Variants in PLEKHG1 observed in about 807,000 individuals in gnomAD.
PLEKHG1 encodes the protein pleckstrin homology domain-containing family G member 1.
Under a neutral mutation model 100.8 loss-of-function variants are expected in PLEKHG1, and 44 were observed. That is an observed-to-expected ratio of 0.44 (90% CI 0.34 to 0.56). The LOEUF (loss-of-function observed/expected upper bound fraction) is 0.56. Ranked by LOEUF, PLEKHG1 falls within the 20% of genes least tolerant of loss-of-function variation. PLEKHG1 has a pLI of 0.01. For missense variants in PLEKHG1, 1,545 were observed against 1,720.9 expected (o/e 0.90, Z 1.81); for synonymous variants, 640 against 662.5 (o/e 0.97, Z 0.52).
In PLEKHG1 at chr6:150,600,253, G is replaced by T. The variant is rs1776281979; in HGVS notation, c.-204+236G>T. On this transcript the variant is annotated intron_variant, in intron 1 of 3. Coordinates refer to the PLEKHG1 transcript ENST00000367326. The surrounding 1 kb of genome is among the most constrained non-coding windows in gnomAD (Gnocchi z 6.2). ...CGCGCGGTGGGGACGGAGGGCGCTG[G>T]GGGGCGCCGCGTCTCGGGGGTCGGA... Among the ~76,000 whole-genome samples, 1 of 150,794 alleles carries T rather than the reference G, an allele frequency of 6.6e-6. No homozygotes were observed. Among genetic ancestry groups the T allele is most frequent in the South Asian group, 2.1e-4 (1 of 4,790 alleles).
exon 7 of PLEKHG1, chr6:150,804,658 CTTG>C: frequency 6.2e-7 from 1 of 1,612,910 alleles, no homozygotes; most frequent in Non-Finnish European, 8.5e-7. Context: ...TGATGTGGTG[CTTG>C]ATGCTATAGA....
chr6:150,643,639 T>G (rs987383840), intron 2 of PLEKHG1, among the ~76,000 whole-genome samples: 2 of 152,226 alleles, frequency 1.3e-5, no homozygotes, highest in Admixed American at 6.5e-5. Flanking sequence ...GATTAAAAAC[T>G]GCTTGATGTA....
chr6:150,767,802 G>T (rs1784521442), intron 2 of PLEKHG1, among the ~76,000 whole-genome samples: 2 of 152,184 alleles, frequency 1.3e-5, no homozygotes, highest in Non-Finnish European at 2.9e-5. Context: ...TCATTGTTCA[G>T]CCTAGGGCAA....
chr6:150,657,071 A>G (rs910552987), intron 3 of PLEKHG1, among the ~76,000 whole-genome samples: 17 of 152,282 alleles, frequency 1.1e-4, no homozygotes, highest in Middle Eastern at 3.4e-3. Flanking sequence ...AGTCATCTCA[A>G]ATTCTTAGGT....
intron 1 of PLEKHG1, among the ~76,000 whole-genome samples, chr6:150,636,169 G>A (rs535115215): frequency 3.9e-5 from 6 of 152,174 alleles, no homozygotes; most frequent in Non-Finnish European, 7.4e-5. Flanking sequence ...TACCTCTTCA[G>A]GGTCATTACA....
chr6:150,636,663 T>G (rs1474883522), intron 1 of PLEKHG1, among the ~76,000 whole-genome samples: 4 of 152,234 alleles, frequency 2.6e-5, no homozygotes, highest in Non-Finnish European at 4.4e-5. Flanking sequence ...TTATTTTTAG[T>G]TGGCTTCACA....
chr6:150,814,192 T>A (rs1787721982), intron 10 of PLEKHG1, among the ~76,000 whole-genome samples: 1 of 152,228 alleles, frequency 6.6e-6, no homozygotes, highest in African/African-American at 2.4e-5. Context: ...GTTGCTGGCC[T>A]GGTGCCTTAG....
At chr6:150,840,661 A>T in exon 16 of PLEKHG1, 1 of 1,614,198 alleles carries the variant, frequency 6.2e-7, no homozygotes, top group Non-Finnish European at 8.5e-7. Flanking sequence ...AAGTTTGTGG[A>T]TGCTGACTTT....
intron 3 of PLEKHG1, among the ~76,000 whole-genome samples, chr6:150,779,234 T>TC (rs770102308): frequency 6.6e-6 from 1 of 151,768 alleles, no homozygotes; most frequent in East Asian, 1.9e-4. Context: ...CCTGGCTGGG[T>TC]CCCCGAGACA....
chr6:150,821,508 AC>A (rs1776298386), intron 13 of PLEKHG1, among the ~76,000 whole-genome samples: 1 of 151,852 alleles, frequency 6.6e-6, no homozygotes, highest in Non-Finnish European at 1.5e-5. Flanking sequence ...ACATGGTGAA[AC>A]CCCGTCTCTA....
intron 15 of PLEKHG1, among the ~76,000 whole-genome samples, chr6:150,838,814 C>G (rs1281916051): frequency 6.6e-6 from 1 of 152,212 alleles, no homozygotes; most frequent in East Asian, 1.9e-4. Context: ...TTATTGAGTA[C>G]ATGCACAGAC....
intron 3 of PLEKHG1, among the ~76,000 whole-genome samples, chr6:150,654,598 A>G (rs1383097778): frequency 6.6e-6 from 1 of 152,220 alleles, no homozygotes; most frequent in Non-Finnish European, 1.5e-5. Flanking sequence ...GGATTGAAAT[A>G]TGACTGCTTT....
chr6:150,664,885 A>G (rs1001731692), intron 3 of PLEKHG1, among the ~76,000 whole-genome samples: 56 of 151,992 alleles, frequency 3.7e-4, no homozygotes, highest in African/African-American at 1.2e-3. Context: ...CTATCAGATT[A>G]CTCTGTTACT....
In PLEKHG1 at chr6:150,683,815, AT is replaced by A; in HGVS notation, c.-99+33030del. The A allele has an allele frequency of 7.8e-7, 1 of 1,288,702 alleles. No individual in the cohort carries two copies. The highest frequency in any genetic ancestry group is 1.0e-6 in the Non-Finnish European group (1 of 988,602). The allele number at this position is 1,288,702 out of a possible 1,614,324, so 79.8% of individuals were successfully genotyped here. ...AGGCAGGAAACTGCTGCCTGGACAAATCGTGTTCTGGGCCAAAGCATCACAG... is the reference window on the plus strand; with the variant it reads ...AGGCAGGAAACTGCTGCCTGGACAAACGTGTTCTGGGCCAAAGCATCACAG... On this transcript the variant is annotated intron_variant, in intron 3 of 3. Coordinates refer to the PLEKHG1 transcript ENST00000367326. The surrounding 1 kb of genome is among the most constrained non-coding windows in gnomAD (Gnocchi z 4.0).
chr6:150,627,466 G>A lies in PLEKHG1; in HGVS notation c.-203-10614G>A, dbSNP rs117485615. On this transcript the variant is annotated intron_variant, in intron 1 of 3. Coordinates refer to the PLEKHG1 transcript ENST00000367326. ...GATTATTGTAGTGCAGATCCCAAGG[G>A]TGAAGAGAAACAAAACTTGAGCTTA... Among the ~76,000 whole-genome samples the A allele has an allele frequency of 5.0e-3, 765 of 152,114 alleles. 9 individuals carry two copies. Among genetic ancestry groups the A allele is most frequent in the South Asian group, 0.018 (87 of 4,820 alleles).
At chr6:150,822,696 C>T (rs1776373296) in intron 13 of PLEKHG1, among the ~76,000 whole-genome samples, 1 of 152,088 alleles carries the variant, frequency 6.6e-6, no homozygotes, top group Admixed American at 6.6e-5. Flanking sequence ...AAAAGTGAAA[C>T]AGGCTGGGCG....
chr6:150,725,254 G>A (rs1781903977), intron 1 of PLEKHG1, among the ~76,000 whole-genome samples: 1 of 152,062 alleles, frequency 6.6e-6, no homozygotes, highest in Admixed American at 6.5e-5. Context: ...CATTCATGAG[G>A]GTAGAGCCCT....
At position 150,683,232 on chromosome 6, in the gene PLEKHG1, G is replaced by T. The variant is rs951853753; in HGVS notation, c.-99+32446G>T. Among the ~76,000 whole-genome samples the T allele has an allele frequency of 6.6e-6, 1 of 152,188 alleles. No homozygotes were observed. The highest frequency in any genetic ancestry group is 1.9e-4 in the East Asian group (1 of 5,188). ...AAATTTAGAGAATAGTTGTCAACTC[G>T]TCATGATAGGACATTAGCAACAAAC... On this transcript the variant is annotated intron_variant, in intron 3 of 3. Transcript: ENST00000367326. This position sits in a 1 kb window ranked among gnomAD's most constrained non-coding sequence, Gnocchi z 4.0.
At chr6:150,778,272 C>T (rs549931308) in intron 3 of PLEKHG1, among the ~76,000 whole-genome samples, 12 of 152,270 alleles carry the variant, frequency 7.9e-5, no homozygotes, top group Middle Eastern at 3.4e-3. Context: ...GAATTACAGG[C>T]GCTCACCATC....
Sources: gnomAD v4.1 joint callset for allele counts (sites outside exome capture counted in the v4.1 genomes callset) on GRCh38, gnomAD v4.1.1 for gene constraint, Gnocchi (gnomAD v3.1) non-coding constraint, MANE v1.5 for transcripts, NCBI Gene and HGNC (gene_info 2026-07-23, HGNC 2026-07-21) for gene names.